Variants in TNNT1 observed in about 807,000 individuals in gnomAD.
TNNT1 encodes troponin T1, slow skeletal type, also known as troponin T, slow skeletal muscle.
Under a neutral mutation model 50.6 loss-of-function variants are expected in TNNT1, and 53 were observed. That is an observed-to-expected ratio of 1.05 (90% confidence interval 0.84 to 1.32). The LOEUF (loss-of-function observed/expected upper bound fraction) is 1.32. Among genes scored for constraint, TNNT1 ranks in the 40% most tolerant of loss-of-function variants. The pLI is 0.00. For synonymous variants in TNNT1, 142 were observed against 138.0 expected (o/e 1.03, Z -0.20); for missense variants, 348 against 381.7 (o/e 0.91, Z 0.74).
intron 6 of TNNT1, among the ~76,000 whole-genome samples, chr19:55,142,521 A>G (rs1409694631): frequency 6.7e-6 from 1 of 149,942 alleles, no homozygotes; most frequent in East Asian, 2.0e-4. Flanking sequence ...ATATTGTTGT[A>G]CTTTAAAAAA....
rs943801337 is a variant in TNNT1 at position 55,145,483 on chromosome 19, G to C, written c.128+61C>G. The C allele has an allele frequency of 1.3e-5, 20 of 1,544,874 alleles. No homozygotes were observed. The African/African-American group carries it at 2.7e-4, about 21-fold the overall frequency. On this transcript the variant is annotated intron_variant, in intron 6 of 13. Coordinates refer to ENST00000588981, the MANE Select transcript of TNNT1 (RefSeq NM_003283.6). ...CTGCCTTTCTCACACCTTGTCTCTG[G>C]GGGTAGAGGGAATATTTAGGAAGAT...
intron 6 of TNNT1, among the ~76,000 whole-genome samples, chr19:55,143,200 A>G (rs1369032554): frequency 2.0e-5 from 3 of 150,128 alleles, no homozygotes; most frequent in Admixed American, 1.3e-4. Context: ...GCGTTTCACT[A>G]TGTTGTCCAG....
intron 8 of TNNT1, 68 bp from the exon 9 acceptor site, chr19:55,141,028 A>G (rs1302560693): frequency 6.3e-7 from 1 of 1,587,904 alleles, no homozygotes; most frequent in Non-Finnish European, 8.6e-7. Context: ...AGAGTAGGCT[A>G]ATAAACAGAT....
rs1329902524 is a variant in TNNT1, at chr19:55,132,733, G to A, written c.*182C>T. ...GCCTGCCGTACTTTAATGATTATTG[G>A]TGACACTCTTTCAAGTAACTTGTTG... On this transcript the variant is annotated 3_prime_UTR_variant, in exon 14 of 14. Coordinates refer to ENST00000588981, the MANE Select transcript of TNNT1 (RefSeq NM_003283.6). 6.1e-6 allele frequency: 4 copies of A among 651,014 alleles called. No homozygotes were observed. The East Asian group carries it at 1.1e-4, about 18-fold the overall frequency. The allele number at this position is 651,014 out of a possible 1,614,324, so 40.3% of individuals were successfully genotyped here. A position where few individuals can be genotyped will look rare whatever the true frequency, so the allele number is the denominator to read the frequency against.
intron 6 of TNNT1, chr19:55,145,300 TGAA>T (rs1161990174): frequency 1.6e-5 from 9 of 551,350 alleles, no homozygotes; most frequent in East Asian, 3.1e-5. Context: ...ATGACCACGA[TGAA>T]GAAGAAGGGG....
rs527927542 is a variant in TNNT1 at position 55,148,425 on chromosome 19, A to G, written c.-12+736T>C. On this transcript the variant is annotated intron_variant, in intron 1 of 13. Coordinates refer to ENST00000588981, the MANE Select transcript of TNNT1 (RefSeq NM_003283.6). ...ACATTCTTAGACCTCAAAGTCTTTG[A>G]GACACCCTAGGCCACAGGGTGCCTA... is the stretch of plus-strand genomic sequence containing the variant. Among the ~76,000 whole-genome samples, 7 of 152,104 alleles carry G rather than the reference A, an allele frequency of 4.6e-5. No homozygotes were observed. In the South Asian group the frequency reaches 1.0e-3, roughly 23 times the overall value.
At position 55,140,794 on chromosome 19, in the gene TNNT1, GTAATAATAA is replaced by G. The variant is rs10582842; in HGVS notation, c.387+80_387+88del. Reference sequence around the variant, plus strand: ...TCCGTTTCAAAGAATAATAATAATAGTAATAATAATAATAATAATAATAATAACAAAATG... The same window carrying G: ...TCCGTTTCAAAGAATAATAATAATAGTAATAATAATAATAATAACAAAATG... On this transcript the variant is annotated intron_variant, in intron 9 of 13. Transcript: ENST00000588981. 1.3e-4 allele frequency: 93 copies of G among 707,668 alleles called. 1 individual carries two copies. Among genetic ancestry groups the G allele is most frequent in the African/African-American group, 5.5e-4 (30 of 54,802 alleles). The allele number at this position is 707,668 out of a possible 1,614,324, so 43.8% of individuals were successfully genotyped here.
chr19:55,136,017 C>A (rs2085341462), intron 11 of TNNT1, among the ~76,000 whole-genome samples: 1 of 152,090 alleles, frequency 6.6e-6, no homozygotes, highest in Non-Finnish European at 1.5e-5. Flanking sequence ...ACATTTTGCC[C>A]CCTGGAGAGC....
intron 5 of TNNT1, among the ~76,000 whole-genome samples, chr19:55,145,991 C>G (rs1185883397): frequency 1.3e-5 from 2 of 149,832 alleles, no homozygotes; most frequent in South Asian, 2.1e-4. Flanking sequence ...CGCCCCACCG[C>G]CCCCCCGCCC....
intron 11 of TNNT1, among the ~76,000 whole-genome samples, 167 bp downstream of exon 11, chr19:55,136,936 C>T (rs532630422): frequency 6.6e-6 from 1 of 152,184 alleles, no homozygotes; most frequent in African/African-American, 2.4e-5. Context: ...TGACATGTTT[C>T]ACAAAGAAGG....
chr19:55,144,590 T>C (rs2085514139), intron 6 of TNNT1, among the ~76,000 whole-genome samples: 1 of 152,204 alleles, frequency 6.6e-6, no homozygotes, highest in African/African-American at 2.4e-5. Context: ...CTCATTTTGT[T>C]ACTTAGGCTG....
At position 55,146,477 on chromosome 19, in the gene TNNT1, G is replaced by T; in HGVS notation, c.74-11C>A. On this transcript the variant is annotated splice_polypyrimidine_tract_variant and intron_variant, in intron 4 of 13. Coordinates refer to ENST00000588981, the MANE Select transcript of TNNT1 (RefSeq NM_003283.6). ...CCGGCTCTTCGGGGGCTGGGGAGGGGAGGGAGGAGCAGCGAGGGTTTGGGG... is the reference window on the plus strand; with the variant it reads ...CCGGCTCTTCGGGGGCTGGGGAGGGTAGGGAGGAGCAGCGAGGGTTTGGGG... 7.3e-7 allele frequency: 1 copy of T among 1,368,176 alleles called. No individual in the cohort carries two copies. 84.8% of individuals were successfully genotyped at this position (1,368,176 alleles called of 1,614,324 possible). A position where few individuals can be genotyped will look rare whatever the true frequency, so the allele number is the denominator to read the frequency against.
At chr19:55,144,284 G>T (rs780680171) in intron 6 of TNNT1, among the ~76,000 whole-genome samples, 3 of 151,972 alleles carry the variant, frequency 2.0e-5, no homozygotes, top group Non-Finnish European at 2.9e-5. Flanking sequence ...TGACCGGGCT[G>T]GTCTCAAACT....
chr19:55,139,952 C>T (rs2085420395), intron 9 of TNNT1, among the ~76,000 whole-genome samples: 1 of 150,164 alleles, frequency 6.7e-6, no homozygotes, highest in Admixed American at 6.7e-5. Context: ...GGAGAAACCC[C>T]ATTTCTACTA....
intron 6 of TNNT1, among the ~76,000 whole-genome samples, chr19:55,145,194 G>C (rs2085525638): frequency 6.6e-6 from 1 of 151,844 alleles, no homozygotes; most frequent in Non-Finnish European, 1.5e-5. Context: ...AGCTACTCAG[G>C]AGGCTGAGAT....
chr19:55,140,899 C>T lies in TNNT1; in HGVS notation c.371G>A (p.Arg124His), dbSNP rs2085439051. 3 of 1,613,722 alleles carry T rather than the reference C, an allele frequency of 1.9e-6. No individual in the cohort carries two copies. Among genetic ancestry groups the T allele is most frequent in the Non-Finnish European group, 2.5e-6 (3 of 1,180,026 alleles). ...GGCACCCACCGCCAGCTTAGCCTGA[C>T]GTTCGCGTTCCTTCTCAGTTCTGAA... ...QRFRTEKERE[R>H]QAKLAEEKMR... Residue 124 changes from arginine to histidine, a missense_variant, in exon 9 of 14, where the codon CGT becomes CAT. Arg to His is a conservative substitution (Grantham distance 29, BLOSUM62 0). Around this residue, in one of 3 missense-constraint regions of TNNT1, gnomAD observed 253 missense variants for 291.8 expected, o/e 0.87. Transcript: ENST00000588981.
At chr19:55,148,465 T>A (rs1346216229) in intron 1 of TNNT1, among the ~76,000 whole-genome samples, 1 of 151,740 alleles carries the variant, frequency 6.6e-6, no homozygotes, top group Non-Finnish European at 1.5e-5. Context: ...CAAATCCCAA[T>A]ACCCACAGAT....
chr19:55,147,784 G>A (rs1281511313), intron 1 of TNNT1, among the ~76,000 whole-genome samples: 2 of 147,600 alleles, frequency 1.4e-5, no homozygotes, highest in African/African-American at 2.5e-5. Context: ...AGGGAGGAGG[G>A]TCTGGGGGCC....
chr19:55,142,384 G>A (rs960079245), intron 6 of TNNT1, among the ~76,000 whole-genome samples: 1 of 151,940 alleles, frequency 6.6e-6, no homozygotes, highest in Non-Finnish European at 1.5e-5. Context: ...GCCTCCCAAA[G>A]TGCTGGGATC....
Sources: gnomAD v4.1 joint callset for allele counts (sites outside exome capture counted in the v4.1 genomes callset) on GRCh38, gnomAD v4.1.1 for gene constraint, gnomAD v4.1.1 regional missense constraint, MANE v1.5 for transcripts, NCBI Gene and HGNC (gene_info 2026-07-23, HGNC 2026-07-21) for gene names.